The following AOPEP variants were observed in gnomAD, a reference collection of about 807,000 sequenced individuals.
AOPEP encodes aminopeptidase O (putative).
In AOPEP, 77 loss-of-function variants were observed where a neutral mutation model predicts 98.1. The observed-to-expected ratio is 0.78, with a 90% confidence interval of 0.65 to 0.95. The LOEUF (loss-of-function observed/expected upper bound fraction) is 0.95. Ranked by LOEUF, AOPEP falls within the 40% of genes least tolerant of loss-of-function variation. The pLI, the probability that AOPEP is intolerant of heterozygous loss-of-function variation, is 0.00. For missense variants in AOPEP, 1,024 were observed against 1,024.7 expected, an observed-to-expected ratio of 1.00 and a Z score of 0.01; for synonymous variants, 346 against 365.3, an observed-to-expected ratio of 0.95 and a Z score of 0.60.
chr9:94,802,374 T>G (rs1753625281), intron 5 of AOPEP, among the ~76,000 whole-genome samples: 1 of 152,220 alleles, frequency 6.6e-6, no homozygotes, highest in African/African-American at 2.4e-5. Flanking sequence ...AGTTCTGGCC[T>G]GAGGGAACCA....
intron 13 of AOPEP, among the ~76,000 whole-genome samples, chr9:95,029,650 A>G (rs974669696): frequency 1.3e-5 from 2 of 152,040 alleles, no homozygotes; most frequent in African/African-American, 4.8e-5. Flanking sequence ...TTCATTTGTT[A>G]TTTATATTTT....
intron 5 of AOPEP, among the ~76,000 whole-genome samples, chr9:94,910,760 T>A (rs1426544704): frequency 6.6e-6 from 1 of 152,156 alleles, no homozygotes; most frequent in Non-Finnish European, 1.5e-5. Flanking sequence ...TGGCAGTTCC[T>A]AACACATCTG....
intron 5 of AOPEP, among the ~76,000 whole-genome samples, chr9:94,883,273 G>A (rs1232036307): frequency 6.6e-6 from 1 of 152,152 alleles, no homozygotes; most frequent in Non-Finnish European, 1.5e-5. Context: ...ATTTAACAGA[G>A]TTTAATTGAG....
chr9:94,832,440 C>G (rs552779670), intron 5 of AOPEP, among the ~76,000 whole-genome samples: 1 of 152,152 alleles, frequency 6.6e-6, no homozygotes, highest in Non-Finnish European at 1.5e-5. Flanking sequence ...GCAGGGGAAG[C>G]GTCAATGCAG....
the AOPEP span, chr9:95,117,472 G>T: frequency 8.9e-7 from 1 of 1,118,490 alleles, no homozygotes; most frequent in Non-Finnish European, 1.3e-6. Context: ...TGAGTCCTCT[G>T]CCCAAAAAAG....
intron 13 of AOPEP, among the ~76,000 whole-genome samples, chr9:95,044,479 C>G (rs1241473793): frequency 6.6e-6 from 1 of 152,092 alleles, no homozygotes; most frequent in Non-Finnish European, 1.5e-5. Flanking sequence ...TCCGATAATT[C>G]TGTTGTATGG....
intron 5 of AOPEP, among the ~76,000 whole-genome samples, chr9:94,823,156 C>A (rs1444255484): frequency 6.6e-6 from 1 of 152,176 alleles, no homozygotes; most frequent in African/African-American, 2.4e-5. Context: ...GCCACCACAC[C>A]CAGCTAATTT....
At chr9:94,796,977 G>A (rs1432702497) in intron 4 of AOPEP, among the ~76,000 whole-genome samples, 1 of 152,184 alleles carries the variant, frequency 6.6e-6, no homozygotes, top group Non-Finnish European at 1.5e-5. Flanking sequence ...TGGAAAATGG[G>A]CACTACAAAG....
the AOPEP span, among the ~76,000 whole-genome samples, chr9:95,143,101 T>C: frequency 6.6e-6 from 1 of 152,230 alleles, no homozygotes; most frequent in African/African-American, 2.4e-5. Flanking sequence ...GATAATTTGC[T>C]AGAATGGCTC....
chr9:94,950,983 C>T (rs909391766), intron 7 of AOPEP, among the ~76,000 whole-genome samples: 1 of 152,218 alleles, frequency 6.6e-6, no homozygotes. Context: ...ATCACTGCCA[C>T]CTGCCCACTC....
chr9:95,143,411 G>C, the AOPEP span, among the ~76,000 whole-genome samples: 2 of 152,086 alleles, frequency 1.3e-5, no homozygotes, highest in Non-Finnish European at 2.9e-5. Context: ...GGTTCCTTTG[G>C]CTACCAGCCC....
intron 13 of AOPEP, among the ~76,000 whole-genome samples, chr9:95,025,896 C>A (rs566600380): frequency 6.6e-6 from 1 of 152,078 alleles, no homozygotes; most frequent in South Asian, 2.1e-4. Context: ...CTGCCTCCGC[C>A]GGCAGCAAGC....
chr9:95,102,869 C>T, the AOPEP span, among the ~76,000 whole-genome samples: 2,840 of 152,320 alleles, frequency 0.019, 82 homozygotes, highest in African/African-American at 0.064. Flanking sequence ...TCGCTCTCCT[C>T]GGCCCCCCCT....
At chr9:95,145,905 T>C in the AOPEP span, among the ~76,000 whole-genome samples, 6 of 151,902 alleles carry the variant, frequency 3.9e-5, no homozygotes, top group African/African-American at 1.5e-4. Context: ...CAAAGAGGGA[T>C]TGAAAGAGAC....
At chr9:94,911,542 CAG>C (rs546536171) in intron 5 of AOPEP, among the ~76,000 whole-genome samples, 32 of 152,112 alleles carry the variant, frequency 2.1e-4, no homozygotes, top group Non-Finnish European at 3.8e-4. Flanking sequence ...GTGAAGCAGA[CAG>C]GGATATATGA....
intron 12 of AOPEP, 33 bp from the exon 13 acceptor site, chr9:95,005,509 C>T (rs750116368): frequency 1.1e-5 from 17 of 1,601,504 alleles, no homozygotes; most frequent in Non-Finnish European, 1.4e-5. Context: ...ACCCTGTCGC[C>T]TTCTTTGAAA....
chr9:95,102,501 G>A, the AOPEP span, among the ~76,000 whole-genome samples: 1 of 152,198 alleles, frequency 6.6e-6, no homozygotes, highest in Non-Finnish European at 1.5e-5. Flanking sequence ...GGAATTTATG[G>A]TTCTTTAAGC....
chr9:94,836,726 T>C (rs2041649366), intron 5 of AOPEP, among the ~76,000 whole-genome samples: 1 of 152,194 alleles, frequency 6.6e-6, no homozygotes, highest in Admixed American at 6.5e-5. Flanking sequence ...TATCAATCTT[T>C]TCTTTCATAG....
intron 5 of AOPEP, among the ~76,000 whole-genome samples, chr9:94,813,725 A>G (rs1244973837): frequency 6.6e-6 from 1 of 152,232 alleles, no homozygotes; most frequent in Non-Finnish European, 1.5e-5. Context: ...TCTGAAGCAC[A>G]GGGCAGGTGG....
Sources: allele counts gnomAD v4.1 joint callset (sites outside exome capture counted in the v4.1 genomes callset), GRCh38; gene constraint gnomAD v4.1.1; transcripts MANE v1.5; gene names NCBI Gene and HGNC (gene_info 2026-07-23, HGNC 2026-07-21).